The following DYSF variants were observed in gnomAD, a reference collection of about 807,000 sequenced individuals.
The protein encoded by DYSF is dysferlin, also known as dystrophy-associated fer-1-like 1.
In DYSF, 212 loss-of-function variants were observed where a neutral mutation model predicts 274.9. The ratio of observed to expected loss-of-function variants is 0.77; its 90% CI spans 0.69 to 0.86. The LOEUF is 0.86. Among genes scored for constraint, DYSF ranks in the 40% least tolerant of loss-of-function variants. The probability of loss-of-function intolerance (pLI) is 0.00; values close to 1 mark genes in which losing one functional copy is unlikely to be tolerated. For synonymous variants in DYSF, 1,091 were observed against 1,078.7 expected (o/e 1.01, Z -0.22); for missense variants, 2,666 against 2,783.2 (o/e 0.96, Z 0.95).
chr2:71,622,130 G>GTGTTTT (rs775688599), intron 41 of DYSF, among the ~76,000 whole-genome samples: 3 of 97,002 alleles, frequency 3.1e-5, no homozygotes, highest in African/African-American at 1.2e-4. Context: ...TGATTTCTTT[G>GTGTTTT]TTTTTTTTTT....
At chr2:71,618,679 G>GT (rs758021614) in intron 40 of DYSF, among the ~76,000 whole-genome samples, 1 of 146,152 alleles carries the variant, frequency 6.8e-6, no homozygotes, top group Admixed American at 6.9e-5. Context: ...TGTGGTAGAG[G>GT]GATGTGAGTG....
chr2:71,475,732 T>C (rs934397732), intron 1 of DYSF, among the ~76,000 whole-genome samples: 2 of 152,188 alleles, frequency 1.3e-5, no homozygotes, highest in Non-Finnish European at 2.9e-5. Context: ...ATTATGATGA[T>C]GAAATTGAGG....
chr2:71,629,799 G>C (rs149242340), intron 41 of DYSF, among the ~76,000 whole-genome samples: 42 of 152,266 alleles, frequency 2.8e-4, no homozygotes, highest in Non-Finnish European at 5.1e-4. Context: ...TTCTTACTTG[G>C]AGGGTTTCTC....
At chr2:71,657,296 A>G (rs1454897232) in intron 43 of DYSF, among the ~76,000 whole-genome samples, 1 of 152,200 alleles carries the variant, frequency 6.6e-6, no homozygotes, top group Non-Finnish European at 1.5e-5. Context: ...GTAGGTTCCC[A>G]TGGTCTTGGG....
intron 30 of DYSF, among the ~76,000 whole-genome samples, chr2:71,575,365 C>T (rs900337875): frequency 7.9e-5 from 12 of 152,132 alleles, no homozygotes; most frequent in Admixed American, 4.6e-4. Flanking sequence ...GGCCTGAGGA[C>T]GTCAGAGGAG....
intron 3 of DYSF, among the ~76,000 whole-genome samples, chr2:71,502,424 C>T (rs2085072063): frequency 6.6e-6 from 1 of 152,028 alleles, no homozygotes; most frequent in South Asian, 2.1e-4. Flanking sequence ...AGAAGTCACA[C>T]ACAGACACCA....
chr2:71,618,512 AGGT>A (rs2093992093), intron 40 of DYSF, among the ~76,000 whole-genome samples: 1 of 86,060 alleles, frequency 1.2e-5, no homozygotes, highest in African/African-American at 4.7e-5. Context: ...TGTTTGGTAG[AGGT>A]GTGTGTGTGG....
At chr2:71,480,768 G>A in intron 1 of DYSF, 115 bp from the exon 2 acceptor site, 2 of 927,820 alleles carry the variant, frequency 2.2e-6, no homozygotes, top group South Asian at 1.4e-5. Flanking sequence ...TGTTGATTTT[G>A]TAAGATTTCC....
At chr2:71,601,620 T>C (rs1370559715) in intron 35 of DYSF, 92 bp downstream of exon 35, 1 of 1,553,184 alleles carries the variant, frequency 6.4e-7, no homozygotes, top group East Asian at 2.2e-5. Context: ...GGCCAGGCAT[T>C]ACCGCGATCC....
At chr2:71,620,685 TGGG>T in intron 41 of DYSF, 76 bp downstream of exon 41, 1 of 1,183,608 alleles carries the variant, frequency 8.4e-7, no homozygotes, top group Middle Eastern at 2.0e-4. Flanking sequence ...AGGAGGGAAA[TGGG>T]AGGGGAGAGT....
chr2:71,505,477 A>G (rs186104891), intron 4 of DYSF, among the ~76,000 whole-genome samples: 1 of 152,328 alleles, frequency 6.6e-6, no homozygotes, highest in African/African-American at 2.4e-5. Context: ...TGGGATCCTT[A>G]GGAAACTCTG....
chr2:71,532,665 G>T (rs1184602428), intron 14 of DYSF, among the ~76,000 whole-genome samples: 1 of 152,222 alleles, frequency 6.6e-6, no homozygotes, highest in African/African-American at 2.4e-5. Flanking sequence ...TGGGGCAGGG[G>T]CTGAAGTAGC....
In DYSF at chr2:71,613,368, G is replaced by A; in HGVS notation, c.4422G>A (p.Val1474=). ...GCCTACTCAGTCCTGGGGAAGACGT[G>A]CTCATCGACATTGATGACAAGGAGC... The part of the protein sequence containing the change: ...DVSLLSPGED[V]LIDIDDKEPL... The change falls in exon 40 of 56, where the codon GTG becomes GTA. Residue 1474 remains valine, a synonymous_variant. Transcript: ENST00000410020. 6.2e-7 allele frequency: 1 copy of A among 1,613,604 alleles called. No individual in the cohort carries two copies. Among genetic ancestry groups the A allele is most frequent in the Non-Finnish European group, 8.5e-7 (1 of 1,179,864 alleles).
intron 1 of DYSF, among the ~76,000 whole-genome samples, chr2:71,472,475 C>T (rs1169322261): frequency 4.6e-5 from 7 of 152,120 alleles, no homozygotes; most frequent in African/African-American, 1.2e-4. Flanking sequence ...GGCGCGATCT[C>T]GGCTCACTGC....
At chr2:71,458,226 A>G (rs772156364) in intron 1 of DYSF, among the ~76,000 whole-genome samples, 8 of 152,274 alleles carry the variant, frequency 5.3e-5, no homozygotes, top group Admixed American at 2.6e-4. Context: ...ACAGCCAGGC[A>G]AGCAATAAAT....
chr2:71,647,224 A>C (rs1362420466), intron 42 of DYSF, among the ~76,000 whole-genome samples: 1 of 152,186 alleles, frequency 6.6e-6, no homozygotes. Context: ...ATGTTTTTTA[A>C]GCTACATGAA....
At chr2:71,621,055 A>G (rs1461049697) in intron 41 of DYSF, among the ~76,000 whole-genome samples, 5 of 152,088 alleles carry the variant, frequency 3.3e-5, no homozygotes, top group Admixed American at 2.0e-4. Context: ...TCGGGTGCTA[A>G]GAGGTCTGCT....
chr2:71,603,265 G>A (rs542235646), intron 36 of DYSF, among the ~76,000 whole-genome samples: 1 of 152,270 alleles, frequency 6.6e-6, no homozygotes, highest in Non-Finnish European at 1.5e-5. Flanking sequence ...TGGCTGGTTT[G>A]GGGGATGGGG....
At chr2:71,553,670 C>A in intron 20 of DYSF, 137 bp from the exon 21 acceptor site, 2 of 1,113,224 alleles carry the variant, frequency 1.8e-6, no homozygotes, top group South Asian at 1.4e-5. Context: ...AGGTGCCTGT[C>A]TCTGTCCCAC....
Sources: allele counts gnomAD v4.1 joint callset (sites outside exome capture counted in the v4.1 genomes callset), GRCh38; gene constraint gnomAD v4.1.1; transcripts MANE v1.5; gene names NCBI Gene and HGNC (gene_info 2026-07-23, HGNC 2026-07-21).